The following ADK variants were observed in gnomAD, a reference collection of about 807,000 sequenced individuals.
The protein encoded by ADK is adenosine kinase, also known as N6,N6-dimethyladenosine kinase.
A neutral mutation model predicts 44.7 loss-of-function variants in ADK; 24 were observed. The ratio of observed to expected loss-of-function variants is 0.54; its 90% CI spans 0.39 to 0.76. ADK has a LOEUF of 0.76. ADK is among the 30% of genes least tolerant of loss of function. The pLI is 0.00. For missense variants in ADK, 321 were observed against 425.1 expected (o/e 0.76, Z 2.15); for synonymous variants, 128 against 142.6 (o/e 0.90, Z 0.73).
chr10:74,465,153 A>T (rs1451719784), intron 6 of ADK, among the ~76,000 whole-genome samples: 1 of 152,196 alleles, frequency 6.6e-6, no homozygotes, highest in Admixed American at 6.5e-5. Context: ...ATCATTAGGG[A>T]AAGTCTCACC....
intron 6 of ADK, among the ~76,000 whole-genome samples, chr10:74,401,031 A>G (rs1389837002): frequency 1.3e-5 from 2 of 152,186 alleles, no homozygotes; most frequent in Admixed American, 1.3e-4. Flanking sequence ...ATCTTTTAAA[A>G]TTTATTTTTT....
chr10:74,665,504 A>C (rs1159555244), intron 9 of ADK, among the ~76,000 whole-genome samples: 52 of 152,258 alleles, frequency 3.4e-4, no homozygotes, highest in East Asian at 1.9e-4. Flanking sequence ...AGGCTGAGGC[A>C]GGAGGATCAC....
intron 7 of ADK, among the ~76,000 whole-genome samples, chr10:74,585,440 AC>A (rs1851497151): frequency 6.6e-6 from 1 of 152,250 alleles, no homozygotes; most frequent in Non-Finnish European, 1.5e-5. Flanking sequence ...TGACTGAGAA[AC>A]TGAGTAATAG....
chr10:74,547,732 C>T (rs1196317928), intron 7 of ADK, among the ~76,000 whole-genome samples: 1 of 152,090 alleles, frequency 6.6e-6, no homozygotes, highest in African/African-American at 2.4e-5. Flanking sequence ...CATCTTGGCC[C>T]ACCACAACCT....
At chr10:74,687,882 TCTGGAA>T (rs1855850213) in intron 10 of ADK, among the ~76,000 whole-genome samples, 2 of 152,362 alleles carry the variant, frequency 1.3e-5, no homozygotes, top group Admixed American at 1.3e-4. Context: ...CTTCACTCTT[TCTGGAA>T]CTTTATTCCA....
intron 2 of ADK, among the ~76,000 whole-genome samples, chr10:74,212,155 G>A (rs1162364219): frequency 6.6e-6 from 1 of 152,112 alleles, no homozygotes; most frequent in Non-Finnish European, 1.5e-5. Context: ...CCTAAATTAT[G>A]GATACTAAAT....
At chr10:74,453,420 AGAAT>A (rs1246914158) in intron 6 of ADK, among the ~76,000 whole-genome samples, 2 of 152,044 alleles carry the variant, frequency 1.3e-5, no homozygotes, top group African/African-American at 4.8e-5. Context: ...CAGCCATGTG[AGAAT>A]GGTTCATTTT....
intron 8 of ADK, among the ~76,000 whole-genome samples, chr10:74,591,545 T>A (rs141258694): frequency 6.6e-6 from 1 of 152,254 alleles, no homozygotes; most frequent in African/African-American, 2.4e-5. Flanking sequence ...ATTCAATGAT[T>A]TTATAATGTC....
chr10:74,571,141 C>G (rs984119442), intron 7 of ADK, among the ~76,000 whole-genome samples: 16 of 152,174 alleles, frequency 1.1e-4, no homozygotes, highest in Non-Finnish European at 2.1e-4. Flanking sequence ...ATGAAGCCCA[C>G]TTGATCATGG....
Position 74,446,854 on chromosome 10 carries a change from A to G in ADK, c.555+48275A>G, listed in dbSNP as rs541020376. On this transcript the variant is annotated intron_variant, in intron 6 of 10. Transcript: ENST00000539909. ...AAAATCCAAAATATATTATTAGTCT[A>G]TAAATCACTGCATGGTTCTCATTCA... Among the ~76,000 whole-genome samples the G allele has an allele frequency of 1.4e-4, 22 of 152,288 alleles. No individual in the cohort carries two copies. In the South Asian group the frequency reaches 2.5e-3, roughly 17 times the overall value.
At chr10:74,283,692 T>C (rs1847041378) in intron 3 of ADK, among the ~76,000 whole-genome samples, 1 of 147,080 alleles carries the variant, frequency 6.8e-6, no homozygotes, top group Non-Finnish European at 1.5e-5. Flanking sequence ...TTCTTTTTTT[T>C]TTTTTTTTGA....
At chr10:74,362,624 G>A (rs893216461) in intron 4 of ADK, among the ~76,000 whole-genome samples, 9 of 152,182 alleles carry the variant, frequency 5.9e-5, no homozygotes, top group Admixed American at 2.0e-4. Context: ...GTGTGATGAT[G>A]TCTGAGCATT....
intron 3 of ADK, among the ~76,000 whole-genome samples, chr10:74,289,584 A>G (rs1404990158): frequency 2.0e-5 from 3 of 152,196 alleles, no homozygotes; most frequent in Admixed American, 6.5e-5. Flanking sequence ...GAAATTACAT[A>G]AAACCAAAAT....
chr10:74,604,068 A>G (rs892169363), intron 9 of ADK, among the ~76,000 whole-genome samples: 1 of 152,118 alleles, frequency 6.6e-6, no homozygotes, highest in Admixed American at 6.5e-5. Context: ...GTGTCTGTTC[A>G]TATCCTTTGC....
intron 10 of ADK, among the ~76,000 whole-genome samples, chr10:74,698,662 C>G (rs146128542): frequency 2.7e-4 from 41 of 152,274 alleles, no homozygotes; most frequent in African/African-American, 9.6e-4. Flanking sequence ...GGGTGATCCT[C>G]CCACCTCAGC....
At chr10:74,329,067 TAAAATA>T (rs1841121284) in intron 4 of ADK, among the ~76,000 whole-genome samples, 1 of 20,980 alleles carries the variant, frequency 4.8e-5, no homozygotes, top group Admixed American at 5.6e-4. Context: ...AATAATAAAA[TAAAATA>T]AAAATAAAAT....
At chr10:74,329,897 C>G (rs1348327795) in intron 4 of ADK, among the ~76,000 whole-genome samples, 1 of 152,042 alleles carries the variant, frequency 6.6e-6, no homozygotes. Flanking sequence ...TGTGATGGCT[C>G]ACGCTTATAA....
intron 7 of ADK, among the ~76,000 whole-genome samples, chr10:74,568,746 G>T (rs902413438): frequency 6.7e-6 from 1 of 150,326 alleles, no homozygotes; most frequent in African/African-American, 2.5e-5. Flanking sequence ...TTATAATTCT[G>T]TATAATAGTT....
intron 10 of ADK, among the ~76,000 whole-genome samples, chr10:74,700,289 T>C (rs2395096): frequency 0.79 from 120,409 of 152,166 alleles, 47,790 homozygotes; most frequent in Middle Eastern, 0.86. Flanking sequence ...GTCACCCAGG[T>C]TGGAGTGCAG....
Sources: gnomAD v4.1 joint callset for allele counts (sites outside exome capture counted in the v4.1 genomes callset) on GRCh38, gnomAD v4.1.1 for gene constraint, MANE v1.5 for transcripts, NCBI Gene and HGNC (gene_info 2026-07-23, HGNC 2026-07-21) for gene names.